The following USP7 variants were observed in gnomAD, a reference collection of about 807,000 sequenced individuals.
The protein encoded by USP7 is ubiquitin specific peptidase 7, also known as ubiquitin C-terminal hydrolase 7.
Under a neutral mutation model 162.9 loss-of-function variants are expected in USP7, and 9 were observed. The ratio of observed to expected loss-of-function variants is 0.06; its 90% CI spans 0.03 to 0.10. USP7 has a LOEUF of 0.10. Among genes scored for constraint, USP7 ranks in the 10% least tolerant of loss-of-function variants. The pLI, the probability that USP7 is intolerant of heterozygous loss-of-function variation, is 1.00. For missense variants in USP7, 715 were observed against 1,373.7 expected, an observed-to-expected ratio of 0.52 and a Z score of 7.58; for synonymous variants, 562 against 475.9, an observed-to-expected ratio of 1.18 and a Z score of -2.35.
intron 1 of USP7, among the ~76,000 whole-genome samples, chr16:8,943,415 A>C (rs1899134737): frequency 6.6e-6 from 1 of 152,220 alleles, no homozygotes; most frequent in African/African-American, 2.4e-5. Flanking sequence ...AAGTTGCAGC[A>C]CGCACGGCCG....
chr16:8,936,628 G>T, intron 1 of USP7: 2 of 1,558,200 alleles, frequency 1.3e-6, no homozygotes, highest in East Asian at 2.3e-5. Flanking sequence ...GCATGGCTCT[G>T]CAGTGGCCTC....
At position 8,910,878 on chromosome 16, in the gene USP7, T is replaced by C. The variant is rs75091998; in HGVS notation, c.1079-51A>G. 1.2e-3 allele frequency: 1,739 copies of C among 1,427,894 alleles called. 23 individuals are homozygous for C. The African/African-American group carries it at 0.022, about 18-fold the overall frequency. 88.5% of individuals were successfully genotyped at this position (1,427,894 alleles called of 1,614,324 possible). On this transcript the variant is annotated intron_variant, in intron 10 of 30. Coordinates refer to ENST00000344836, the MANE Select transcript of USP7 (RefSeq NM_003470.3). ...AAGTGCTAAAGCTTCATTTATAATG[T>C]AGCCAACACAGGTGTAAGTTATTTA...
chr16:8,922,805 T>C (rs961155847), intron 3 of USP7, among the ~76,000 whole-genome samples: 1 of 152,250 alleles, frequency 6.6e-6, no homozygotes, highest in Non-Finnish European at 1.5e-5. Flanking sequence ...GAGGGCCATG[T>C]TGTATAAATC....
intron 6 of USP7, among the ~76,000 whole-genome samples, chr16:8,917,474 G>A (rs1305732951): frequency 1.3e-5 from 2 of 152,198 alleles, no homozygotes; most frequent in African/African-American, 4.8e-5. Context: ...CGCCTCCTGG[G>A]TTCAGGCAAT....
chr16:8,901,378 T>A (rs1316901951), intron 18 of USP7, 144 bp from the exon 19 acceptor site: 1 of 639,664 alleles, frequency 1.6e-6, no homozygotes, highest in Admixed American at 2.9e-5. Flanking sequence ...CAGCTTAAGG[T>A]ACCTAAAAGT....
chr16:8,899,199 G>C lies in USP7; in HGVS notation c.2464-11C>G. ...AACTGTCTTTGCAACCTAAGACACA[G>C]AAAGGAAGGTTCACATTTTGGGGAA... On this transcript the variant is annotated splice_polypyrimidine_tract_variant and intron_variant, in intron 22 of 30. Coordinates refer to ENST00000344836, the MANE Select transcript of USP7 (RefSeq NM_003470.3). The C allele has an allele frequency of 6.2e-7, 1 of 1,613,118 alleles. No homozygotes were observed. The highest frequency in any genetic ancestry group is 1.1e-5 in the South Asian group (1 of 90,664).
intron 10 of USP7, among the ~76,000 whole-genome samples, chr16:8,911,599 A>G (rs1027703605): frequency 4.6e-5 from 7 of 152,234 alleles, no homozygotes; most frequent in African/African-American, 1.7e-4. Context: ...GGGACAAATG[A>G]GAGCCCCGTG....
At chr16:8,936,168 G>A (rs1898708367) in intron 1 of USP7, among the ~76,000 whole-genome samples, 1 of 152,130 alleles carries the variant, frequency 6.6e-6, no homozygotes, top group Non-Finnish European at 1.5e-5. Context: ...AGCCACAGGT[G>A]TCTCCACTCA....
rs960317606 is a variant in USP7, at chr16:8,895,067, T to C, written c.3003A>G (p.Gly1001=). The C allele has an allele frequency of 3.1e-6, 5 of 1,614,212 alleles. No homozygotes were observed. The Admixed American group carries it at 5.0e-5, about 16-fold the overall frequency. Residue 1001 remains glycine, a synonymous_variant, in exon 28 of 31, where the codon GGA becomes GGG. Transcript: ENST00000344836. The part of the protein sequence containing the change: ...TVAHFHKEVF[G]TFGIPFLLRI... ...TCAGCAAAAACGGGATTCCGAACGT[T>C]CCGAAGACCTCTTTGTGGAAATGCG...
chr16:8,922,386 G>C (rs1049133164), intron 3 of USP7, among the ~76,000 whole-genome samples: 1 of 152,216 alleles, frequency 6.6e-6, no homozygotes, highest in East Asian at 1.9e-4. Flanking sequence ...TACTTGAGAC[G>C]CCGAGGCAGG....
intron 25 of USP7, among the ~76,000 whole-genome samples, chr16:8,897,716 A>ATAT (rs1596350235): frequency 5.1e-3 from 234 of 45,880 alleles, no homozygotes; most frequent in Non-Finnish European, 8.3e-3. Flanking sequence ...AAAAAAAAAA[A>ATAT]AAAAAAAAAA....
At chr16:8,956,315 A>G (rs1899797031) in intron 1 of USP7, 1 of 152,230 alleles carries the variant, frequency 6.6e-6, no homozygotes. Context: ...CACCTTGAGA[A>G]TGGGCCACAG....
intron 1 of USP7, among the ~76,000 whole-genome samples, chr16:8,935,412 C>G (rs761251731): frequency 6.6e-6 from 1 of 152,186 alleles, no homozygotes; most frequent in East Asian, 1.9e-4. Context: ...GGTTTCACCA[C>G]GTTGGCCAGG....
chr16:8,954,467 T>C (rs1899696355), intron 1 of USP7, among the ~76,000 whole-genome samples: 1 of 152,174 alleles, frequency 6.6e-6, no homozygotes, highest in South Asian at 2.1e-4. Flanking sequence ...TCATGGGCAA[T>C]GGGACCACAA....
intron 11 of USP7, among the ~76,000 whole-genome samples, chr16:8,909,369 G>A (rs1257092120): frequency 6.6e-6 from 1 of 152,144 alleles, no homozygotes; most frequent in East Asian, 1.9e-4. Context: ...ATATGCCAAG[G>A]TTCTTTGGTG....
At position 8,897,024 on chromosome 16, in the gene USP7, C is replaced by G. The variant is rs1476991127; in HGVS notation, c.2794G>C (p.Gly932Arg). ...LEECKKAVEL[G>R]EKASGKLRLL... ...CTAAGTTTCCCTGATGCTTTCTCCCCAAGCTCCACGGCCTTTTTACATTCT... is the reference window on the plus strand; with the variant it reads ...CTAAGTTTCCCTGATGCTTTCTCCCGAAGCTCCACGGCCTTTTTACATTCT... Residue 932 changes from glycine to arginine, a missense_variant, in exon 26 of 31, where the codon GGG becomes CGG. Around this residue, in one of 11 missense-constraint regions of USP7, gnomAD observed 222 missense variants for 441.7 expected, o/e 0.50. Coordinates refer to ENST00000344836, the MANE Select transcript of USP7 (RefSeq NM_003470.3). 5.6e-6 allele frequency: 9 copies of G among 1,614,042 alleles called. No individual in the cohort carries two copies. Among genetic ancestry groups the G allele is most frequent in the Non-Finnish European group, 7.6e-6 (9 of 1,179,984 alleles).
chr16:8,893,929 C>G lies in USP7; in HGVS notation c.*69G>C. 7.2e-7 allele frequency: 1 copy of G among 1,395,984 alleles called. No homozygotes were observed. Among genetic ancestry groups the G allele is most frequent in the South Asian group, 1.2e-5 (1 of 86,560 alleles). The allele number at this position is 1,395,984 out of a possible 1,614,324, so 86.5% of individuals were successfully genotyped here. ...GAAGACTTCGGCTAGAGGGCACGTG[C>G]ACCAAAGTTCTAGGCTGTTAAGGGG... On this transcript the variant is annotated 3_prime_UTR_variant, in exon 31 of 31. Coordinates refer to ENST00000344836, the MANE Select transcript of USP7 (RefSeq NM_003470.3).
intron 6 of USP7, among the ~76,000 whole-genome samples, chr16:8,918,086 A>G (rs938154985): frequency 6.6e-6 from 1 of 152,118 alleles, no homozygotes; most frequent in South Asian, 2.1e-4. Context: ...CACTGCGCCC[A>G]GCCATGGAGC....
intron 21 of USP7, chr16:8,900,048 C>T: frequency 2.1e-6 from 1 of 478,036 alleles, no homozygotes; most frequent in Non-Finnish European, 3.7e-6. Flanking sequence ...AGGAGCAGAC[C>T]CAGACGCAGT....
Sources: allele counts gnomAD v4.1 joint callset (sites outside exome capture counted in the v4.1 genomes callset), GRCh38; gene constraint gnomAD v4.1.1; regional missense constraint gnomAD v4.1.1; transcripts MANE v1.5; gene names NCBI Gene and HGNC (gene_info 2026-07-23, HGNC 2026-07-21).